PTPRK: variants seen among roughly 807,000 people sequenced by gnomAD.
The protein encoded by PTPRK is receptor-type tyrosine-protein phosphatase kappa.
PTPRK carries 75 observed loss-of-function variants against 178.0 expected under a neutral mutation model. That is an observed-to-expected ratio of 0.42 (90% confidence interval 0.35 to 0.51). PTPRK has a LOEUF of 0.51. Among genes scored for constraint, PTPRK ranks in the 20% least tolerant of loss-of-function variants. PTPRK has a pLI of 0.02. For missense variants in PTPRK, 1,441 were observed against 1,797.8 expected, an observed-to-expected ratio of 0.80 and a Z score of 3.59; for synonymous variants, 637 against 620.6, an observed-to-expected ratio of 1.03 and a Z score of -0.39.
chr6:128,017,752 A>G (rs901632571), intron 13 of PTPRK, among the ~76,000 whole-genome samples: 6 of 17,678 alleles, frequency 3.4e-4, no homozygotes, highest in African/African-American at 8.7e-4. Context: ...ATATAAATAA[A>G]TATATATACA....
At chr6:128,132,120 A>C (rs1254772344) in intron 7 of PTPRK, among the ~76,000 whole-genome samples, 2 of 152,202 alleles carry the variant, frequency 1.3e-5, no homozygotes, top group Non-Finnish European at 2.9e-5. Flanking sequence ...AAGCACACTA[A>C]AATACTATAA....
intron 2 of PTPRK, among the ~76,000 whole-genome samples, chr6:128,352,253 C>CA (rs10665459): frequency 0.099 from 9,424 of 94,946 alleles, 950 homozygotes; most frequent in African/African-American, 0.16. Flanking sequence ...GACTTCATCT[C>CA]AAAAAAAAAA....
intron 1 of PTPRK, among the ~76,000 whole-genome samples, chr6:128,409,652 T>G (rs1221529680): frequency 6.6e-6 from 1 of 152,204 alleles, no homozygotes; most frequent in African/African-American, 2.4e-5. Context: ...GGTTTGGCTG[T>G]GTCCCCAACC....
intron 2 of PTPRK, among the ~76,000 whole-genome samples, chr6:128,397,359 C>T (rs1562437605): frequency 2.0e-5 from 3 of 146,676 alleles, no homozygotes; most frequent in African/African-American, 7.5e-5. Context: ...TAATACTTAT[C>T]TTTTTTTTTT....
chr6:127,994,339 T>A (rs2114670445), intron 18 of PTPRK, among the ~76,000 whole-genome samples: 1 of 151,938 alleles, frequency 6.6e-6, no homozygotes, highest in African/African-American at 2.4e-5. Context: ...CTTATAATTA[T>A]ACATATTGTG....
rs1482980901 is a variant in PTPRK, at chr6:128,078,900, T to C, written c.1796A>G (p.Tyr599Cys). The C allele has an allele frequency of 3.1e-6, 5 of 1,610,986 alleles. No individual in the cohort carries two copies. The highest frequency in any genetic ancestry group is 1.1e-5 in the South Asian group (1 of 90,990). The change falls in exon 11 of 30, where the codon TAT becomes TGT. Residue 599 changes from tyrosine (Y) to cysteine (C), a missense_variant. Tyr to Cys is a radical substitution (Grantham distance 194, BLOSUM62 -2). Transcript: ENST00000368226. ...TNISAPTLPD[Y>C]EGVDASLNET... is the part of the protein sequence containing the mutation. ...ATTGAGAGAGGCATCAACTCCTTCA[T>C]AGTCAGGTAAAGTTGGAGCTGATGA...
chr6:128,210,364 G>C (rs900907461), intron 6 of PTPRK, among the ~76,000 whole-genome samples: 1 of 105,148 alleles, frequency 9.5e-6, no homozygotes, highest in African/African-American at 4.8e-5. Flanking sequence ...AAATAACTCC[G>C]GAGGAAAAAA....
intron 17 of PTPRK, among the ~76,000 whole-genome samples, 161 bp downstream of exon 17, chr6:127,996,740 G>T (rs956964499): frequency 6.6e-6 from 1 of 152,064 alleles, no homozygotes; most frequent in Non-Finnish European, 1.5e-5. Context: ...CAAAGTGCTG[G>T]GATTACAGGC....
chr6:128,160,328 A>G (rs1449090139), intron 7 of PTPRK, among the ~76,000 whole-genome samples: 3 of 151,766 alleles, frequency 2.0e-5, no homozygotes, highest in Non-Finnish European at 4.4e-5. Flanking sequence ...TTGTGGTATT[A>G]AAAATTTCAT....
chr6:128,045,602 T>C (rs1777915607), intron 13 of PTPRK, among the ~76,000 whole-genome samples: 1 of 152,046 alleles, frequency 6.6e-6, no homozygotes, highest in African/African-American at 2.4e-5. Flanking sequence ...TTCTAAATTA[T>C]GTCAATAAAA....
At chr6:128,474,577 T>C (rs1228619528) in intron 1 of PTPRK, among the ~76,000 whole-genome samples, 2 of 152,088 alleles carry the variant, frequency 1.3e-5, no homozygotes, top group Non-Finnish European at 2.9e-5. Flanking sequence ...AAACAAGGTT[T>C]TCAATGGCTC....
At chr6:128,196,694 G>C (rs1015750841) in intron 6 of PTPRK, among the ~76,000 whole-genome samples, 4 of 152,134 alleles carry the variant, frequency 2.6e-5, no homozygotes, top group African/African-American at 9.7e-5. Context: ...CACAGCTAAG[G>C]AGTTGGGTTC....
chr6:128,241,024 A>G (rs747459529), intron 4 of PTPRK, among the ~76,000 whole-genome samples: 1 of 152,248 alleles, frequency 6.6e-6, no homozygotes, highest in Non-Finnish European at 1.5e-5. Context: ...GCCTTTCCTT[A>G]ACACCTATCA....
In PTPRK at chr6:128,067,918, T is replaced by G. The variant is rs1782114388; in HGVS notation, c.1884-126A>C. 25 of 916,980 alleles carry G rather than the reference T, an allele frequency of 2.7e-5. 1 individual carries two copies. The South Asian group carries it at 8.3e-4, about 30-fold the overall frequency. 56.8% of individuals were successfully genotyped at this position (916,980 alleles called of 1,614,324 possible). A position where few individuals can be genotyped will look rare whatever the true frequency, so the allele number is the denominator to read the frequency against. ...CATTTCAAAGTATTTAAAGTTAGTC[T>G]TAACCTGGTATACTCTTTTCAGCTA... On this transcript the variant is annotated intron_variant, in intron 11 of 29. Transcript: ENST00000368226.
intron 11 of PTPRK, among the ~76,000 whole-genome samples, chr6:128,077,660 T>C (rs1483975758): frequency 2.6e-5 from 4 of 152,028 alleles, no homozygotes; most frequent in Non-Finnish European, 5.9e-5. Context: ...CTACGTGGAT[T>C]TCTGTGCCTT....
chr6:128,181,595 A>G (rs192605194), intron 7 of PTPRK, among the ~76,000 whole-genome samples: 26 of 152,184 alleles, frequency 1.7e-4, no homozygotes, highest in African/African-American at 6.0e-4. Context: ...TGGAGTCTCA[A>G]AGGTATTTCC....
At chr6:127,999,024 G>T in intron 15 of PTPRK, 120 bp from the exon 16 acceptor site, 1 of 881,952 alleles carries the variant, frequency 1.1e-6, no homozygotes, top group Non-Finnish European at 1.6e-6. Flanking sequence ...GAGGAATTCT[G>T]GGAAAGAAAT....
In PTPRK at chr6:127,982,521, G is replaced by A. The variant is rs954487414; in HGVS notation, c.3537+310C>T. 3.2e-4 allele frequency among the ~76,000 whole-genome samples: 48 copies of A among 152,208 alleles called. 1 individual carries two copies. Among genetic ancestry groups the A allele is most frequent in the African/African-American group, 1.1e-3 (44 of 41,542 alleles). On this transcript the variant is annotated intron_variant, in intron 24 of 29. Transcript: ENST00000368226. ...GATCTCCTGACCTCGTGATCCACCCGCCTCGGCCTCCCAAAGTGCTGGGAT... is the reference window on the plus strand; with the variant it reads ...GATCTCCTGACCTCGTGATCCACCCACCTCGGCCTCCCAAAGTGCTGGGAT...
At chr6:127,974,270 G>A (rs1431485580) in intron 27 of PTPRK, among the ~76,000 whole-genome samples, 1 of 152,138 alleles carries the variant, frequency 6.6e-6, no homozygotes, top group Non-Finnish European at 1.5e-5. Context: ...CTGCTTTAAT[G>A]ATTTTCAAAT....
Sources: allele counts gnomAD v4.1 joint callset (sites outside exome capture counted in the v4.1 genomes callset), GRCh38; gene constraint gnomAD v4.1.1; transcripts MANE v1.5; gene names NCBI Gene and HGNC (gene_info 2026-07-23, HGNC 2026-07-21).